The following CSMD1 variants were observed in gnomAD, a reference collection of about 807,000 sequenced individuals.
CSMD1 encodes the protein CUB and sushi domain-containing protein 1.
A neutral mutation model predicts 417.5 loss-of-function variants in CSMD1; 213 were observed. That is an observed-to-expected ratio of 0.51 (90% CI 0.46 to 0.57). CSMD1 has a LOEUF of 0.57. Ranked by LOEUF, CSMD1 falls within the 20% of genes least tolerant of loss-of-function variation. The probability of loss-of-function intolerance (pLI) is 0.00; values close to 1 mark genes in which losing one functional copy is unlikely to be tolerated. For synonymous variants in CSMD1, 2,862 were observed against 1,736.8 expected, an observed-to-expected ratio of 1.65 and a Z score of -16.11; for missense variants, 6,923 against 4,529.7, an observed-to-expected ratio of 1.53 and a Z score of -15.17.
intron 2 of CSMD1, among the ~76,000 whole-genome samples, chr8:4,432,850 A>G (rs1051572463): frequency 6.6e-6 from 1 of 152,324 alleles, no homozygotes; most frequent in Admixed American, 6.5e-5. Context: ...GTTGTATACC[A>G]AGGGTCTCCA....
chr8:3,348,919 A>C (rs2117643575), intron 21 of CSMD1, among the ~76,000 whole-genome samples: 1 of 152,322 alleles, frequency 6.6e-6, no homozygotes, highest in Middle Eastern at 3.4e-3. Flanking sequence ...GTTTAGGTCA[A>C]GAATGCTTTC....
chr8:4,229,336 T>G (rs573312416), intron 3 of CSMD1, among the ~76,000 whole-genome samples: 2 of 152,306 alleles, frequency 1.3e-5, no homozygotes, highest in Non-Finnish European at 2.9e-5. Flanking sequence ...TCCAATGTGC[T>G]TCTTTCTTAT....
intron 1 of CSMD1, among the ~76,000 whole-genome samples, chr8:4,719,872 C>A (rs941104279): frequency 7.2e-5 from 11 of 151,908 alleles, no homozygotes; most frequent in African/African-American, 2.7e-4. Context: ...GAAAGGACTC[C>A]CTATGCAGGG....
At chr8:3,854,694 G>C (rs921503760) in intron 5 of CSMD1, among the ~76,000 whole-genome samples, 3 of 151,708 alleles carry the variant, frequency 2.0e-5, no homozygotes, top group Admixed American at 6.6e-5. Context: ...CGAGAAGGGA[G>C]TCGGGAAGAT....
chr8:3,683,875 CTTA>C (rs1343393431), intron 7 of CSMD1, among the ~76,000 whole-genome samples: 4 of 151,896 alleles, frequency 2.6e-5, no homozygotes, highest in African/African-American at 9.7e-5. Flanking sequence ...TCGCAGTTTG[CTTA>C]TTTTTATTTG....
At chr8:3,081,333 G>A (rs1233576763) in intron 49 of CSMD1, among the ~76,000 whole-genome samples, 2 of 152,052 alleles carry the variant, frequency 1.3e-5, no homozygotes, top group South Asian at 2.1e-4. Flanking sequence ...AAGAATAAAC[G>A]GACTGCTTTT....
intron 39 of CSMD1, among the ~76,000 whole-genome samples, chr8:3,154,292 G>C (rs1819381159): frequency 6.6e-6 from 1 of 152,172 alleles, no homozygotes; most frequent in African/African-American, 2.4e-5. Flanking sequence ...ATTTTAAGGC[G>C]ACTGGGCTTG....
intron 3 of CSMD1, among the ~76,000 whole-genome samples, chr8:4,207,002 G>C (rs1433240362): frequency 1.3e-5 from 2 of 152,072 alleles, no homozygotes; most frequent in African/African-American, 2.4e-5. Context: ...AAATGTTTTA[G>C]TAGATAAGAT....
chr8:3,175,511 T>C (rs1017554906), intron 37 of CSMD1, among the ~76,000 whole-genome samples: 2 of 54,456 alleles, frequency 3.7e-5, no homozygotes, highest in Non-Finnish European at 9.5e-5. Flanking sequence ...CTGCCTGCCT[T>C]TTTTCCTTCC....
intron 5 of CSMD1, among the ~76,000 whole-genome samples, chr8:3,890,382 T>C (rs1340178495): frequency 1.3e-5 from 2 of 152,052 alleles, no homozygotes; most frequent in Non-Finnish European, 2.9e-5. Context: ...TTTAATAGAC[T>C]GTGGAAAACA....
chr8:3,958,299 T>A (rs565460327), intron 5 of CSMD1, among the ~76,000 whole-genome samples: 42 of 138,652 alleles, frequency 3.0e-4, no homozygotes, highest in African/African-American at 1.1e-3. Flanking sequence ...GGAAAAAAAG[T>A]TTCATTTTTT....
intron 7 of CSMD1, among the ~76,000 whole-genome samples, chr8:3,628,761 G>A (rs1278455135): frequency 3.9e-5 from 6 of 152,086 alleles, no homozygotes; most frequent in South Asian, 4.2e-4. Flanking sequence ...AGTGACCAGC[G>A]CCTACAGCCA....
At chr8:3,609,051 T>C (rs1306455767) in intron 8 of CSMD1, among the ~76,000 whole-genome samples, 3 of 152,238 alleles carry the variant, frequency 2.0e-5, no homozygotes, top group African/African-American at 4.8e-5. Flanking sequence ...AAAACTTCTA[T>C]TATAATTATC....
intron 20 of CSMD1, among the ~76,000 whole-genome samples, chr8:3,365,764 G>C (rs937002572): frequency 5.9e-5 from 9 of 152,202 alleles, no homozygotes; most frequent in Admixed American, 4.6e-4. Flanking sequence ...GTTTTCCACT[G>C]TGTGGGGGTT....
At chr8:4,893,029 C>A (rs556724930) in intron 1 of CSMD1, among the ~76,000 whole-genome samples, 1 of 152,122 alleles carries the variant, frequency 6.6e-6, no homozygotes, top group South Asian at 2.1e-4. Flanking sequence ...TTTGCATGGT[C>A]AATGTCAAAC....
At chr8:3,177,747 C>T (rs571403372) in intron 37 of CSMD1, among the ~76,000 whole-genome samples, 4 of 152,300 alleles carry the variant, frequency 2.6e-5, no homozygotes, top group African/African-American at 7.2e-5. Context: ...CAGATCAATA[C>T]TGAGTTCAAT....
chr8:4,893,118 G>C (rs1000082887), intron 1 of CSMD1, among the ~76,000 whole-genome samples: 1 of 152,016 alleles, frequency 6.6e-6, no homozygotes, highest in East Asian at 1.9e-4. Context: ...TCTAGTTTTT[G>C]TCAGTGTGAC....
chr8:4,250,449 A>C (rs1236730745), intron 3 of CSMD1, among the ~76,000 whole-genome samples: 3 of 152,118 alleles, frequency 2.0e-5, no homozygotes. Context: ...TGCGTAATAC[A>C]TGAGTGATAT....
chr8:3,374,296 A>T (rs989763224), intron 18 of CSMD1, among the ~76,000 whole-genome samples: 14 of 151,940 alleles, frequency 9.2e-5, no homozygotes, highest in Non-Finnish European at 7.4e-5. Context: ...TTTGTCCTCT[A>T]CTTTTATCCA....
Sources: allele counts gnomAD v4.1 joint callset (sites outside exome capture counted in the v4.1 genomes callset), GRCh38; gene constraint gnomAD v4.1.1; transcripts MANE v1.5; gene names NCBI Gene and HGNC (gene_info 2026-07-23, HGNC 2026-07-21).